Variants in NLRC5 observed in about 807,000 individuals in gnomAD.
NLRC5 encodes NLR family CARD domain containing 5, also known as protein NLRC5.
In NLRC5, 114 loss-of-function variants were observed where a neutral mutation model predicts 206.9. The observed-to-expected ratio is 0.55, with a 90% CI of 0.47 to 0.64. The LOEUF is 0.64. Among genes scored for constraint, NLRC5 ranks in the 30% least tolerant of loss-of-function variants. NLRC5 has a pLI of 0.00. For missense variants in NLRC5, 2,008 were observed against 2,305.5 expected, an observed-to-expected ratio of 0.87 and a Z score of 2.64; for synonymous variants, 952 against 962.8, an observed-to-expected ratio of 0.99 and a Z score of 0.21.
At position 57,077,817 on chromosome 16, in the gene NLRC5, A is replaced by G; in HGVS notation, c.5003+15A>G. 1 of 1,594,110 alleles carries G rather than the reference A, an allele frequency of 6.3e-7. No homozygotes were observed. On this transcript the variant is annotated intron_variant, in intron 42 of 48. Transcript: ENST00000688547. ...GAGGAGTTGATGTGAGTGTCTGCCC[A>G]GGTGGCCTCTGCCCTCTGTGCCCCC...
At chr16:57,067,359 A>G in intron 34 of NLRC5, 28 bp from the exon 35 acceptor site, 1 of 1,605,682 alleles carries the variant, frequency 6.2e-7, no homozygotes, top group Non-Finnish European at 8.5e-7. Flanking sequence ...AGATGTTCCA[A>G]AACTGTCGTC....
intron 13 of NLRC5, chr16:57,034,481 T>TGTAA: frequency 1.9e-6 from 1 of 529,660 alleles, no homozygotes; most frequent in Non-Finnish European, 3.4e-6. Context: ...ATCTCTGTGA[T>TGTAA]GTAAGCACTG....
intron 32 of NLRC5, chr16:57,061,984 A>G: frequency 6.8e-7 from 1 of 1,480,922 alleles, no homozygotes; most frequent in African/African-American, 1.4e-5. Context: ...GAGGACAAAA[A>G]TAAACTGAAA....
intron 30 of NLRC5, among the ~76,000 whole-genome samples, chr16:57,060,812 C>T (rs925271887): frequency 1.3e-5 from 2 of 152,230 alleles, no homozygotes; most frequent in Non-Finnish European, 2.9e-5. Context: ...CAAACATCAG[C>T]CCCTCCTGGA....
chr16:57,036,114 A>G lies in NLRC5; in HGVS notation c.2642A>G (p.Gln881Arg). ...CCCCGTCTCAGCCTCTCAGGGAACC[A>G]GCTGGAAGATGAAGGCTGTCGGCTG... ...HLEEVDLSGN[Q>R]LEDEGCRLMA... Residue 881 changes from glutamine to arginine, a missense_variant, in exon 14 of 49, where the codon CAG (glutamine) becomes CGG (arginine). Transcript: ENST00000688547. The G allele has an allele frequency of 2.5e-6, 4 of 1,613,736 alleles. No individual in the cohort carries two copies. Among genetic ancestry groups the G allele is most frequent in the Non-Finnish European group, 3.4e-6 (4 of 1,180,008 alleles).
Position 57,045,495 on chromosome 16 carries a change from G to A in NLRC5, c.3248+3G>A, listed in dbSNP as rs371909323. On this transcript the variant is annotated splice_donor_region_variant and intron_variant, in intron 21 of 48. Transcript: ENST00000688547. Reference sequence around the variant, plus strand: ...CTGAGAGGGGACAAGACAAGCAGGTGAGGAGGGAACGCTCGGGGTGGGGGA... The same window carrying A: ...CTGAGAGGGGACAAGACAAGCAGGTAAGGAGGGAACGCTCGGGGTGGGGGA... 7 of 1,613,908 alleles carry A rather than the reference G, an allele frequency of 4.3e-6. No homozygotes were observed. Among genetic ancestry groups the A allele is most frequent in the Non-Finnish European group, 4.2e-6 (5 of 1,179,946 alleles).
chr16:57,028,464 T>C (rs1182756629), intron 8 of NLRC5, 79 bp downstream of exon 8: 1 of 1,130,826 alleles, frequency 8.8e-7, no homozygotes, highest in African/African-American at 1.5e-5. Context: ...GGGGCCTGCA[T>C]GTTCCTCCAA....
chr16:57,013,783 TAA>T, intron 1 of NLRC5: 3 of 706,086 alleles, frequency 4.2e-6, no homozygotes, highest in Admixed American at 2.2e-5. Flanking sequence ...GTATTTTCAT[TAA>T]GTCACCCAGA....
chr16:57,033,311 G>A (rs1361470501), intron 11 of NLRC5, among the ~76,000 whole-genome samples: 1 of 152,198 alleles, frequency 6.6e-6, no homozygotes, highest in Admixed American at 6.5e-5. Flanking sequence ...GCTAGATGTT[G>A]TCATCCGTTT....
At chr16:57,059,609 C>G in intron 30 of NLRC5, 77 bp downstream of exon 30, 4 of 1,359,882 alleles carry the variant, frequency 2.9e-6, no homozygotes, top group South Asian at 1.5e-5. Flanking sequence ...CCATGGCCCC[C>G]TCTTCCCTGG....
At chr16:57,077,659 G>T in intron 41 of NLRC5, 60 bp from the exon 42 acceptor site, 1 of 1,482,734 alleles carries the variant, frequency 6.7e-7, no homozygotes, top group Non-Finnish European at 9.1e-7. Context: ...CCCAGCAGAT[G>T]TGCTGGGGTG....
chr16:56,992,714 T>A (rs2057055762), intron 1 of NLRC5, among the ~76,000 whole-genome samples: 1 of 152,048 alleles, frequency 6.6e-6, no homozygotes, highest in African/African-American at 2.4e-5. Context: ...TGACCTCAGG[T>A]GATCCACCTG....
In NLRC5 at chr16:57,061,485, A is replaced by T; in HGVS notation, c.4024A>T (p.Arg1342Trp). The change falls in exon 31 of 49, where the codon AGG becomes TGG. Residue 1342 changes from arginine (R) to tryptophan (W), a missense_variant. Arg to Trp is a moderately radical substitution (Grantham distance 101). Coordinates refer to ENST00000688547, the MANE Select transcript of NLRC5 (RefSeq NM_001384950.1). ...ECSFRPEHVS[R>W]LATGLSKSLQ... Reference sequence around the variant, plus strand: ...CAGCTTCCGGCCAGAGCACGTGTCCAGGCTGGCCACCGGCTTGAGCAAGTC... The same window carrying T: ...CAGCTTCCGGCCAGAGCACGTGTCCTGGCTGGCCACCGGCTTGAGCAAGTC... 6.2e-7 allele frequency: 1 copy of T among 1,611,240 alleles called. No homozygotes were observed. Among genetic ancestry groups the T allele is most frequent in the Non-Finnish European group, 8.5e-7 (1 of 1,180,014 alleles).
In NLRC5 at chr16:57,059,550, A is replaced by G. The variant is rs777718479; in HGVS notation, c.3986+18A>G. 1.9e-5 allele frequency: 30 copies of G among 1,601,918 alleles called. 1 individual carries two copies. The South Asian group carries it at 2.8e-4, about 15-fold the overall frequency. On this transcript the variant is annotated intron_variant, in intron 30 of 48. Transcript: ENST00000688547. ...ACACTCAGGTAATCCCTGCAGGGTG[A>G]TGGGACAGGGGACAGAGAGGGGAGA... is the stretch of plus-strand genomic sequence containing the variant.
At chr16:57,011,485 G>C (rs1416390295) in intron 1 of NLRC5, among the ~76,000 whole-genome samples, 1 of 152,144 alleles carries the variant, frequency 6.6e-6, no homozygotes, top group Non-Finnish European at 1.5e-5. Context: ...ACTTACGGAG[G>C]CTGATGAGGG....
chr16:57,062,190 A>G (rs1425412936), intron 32 of NLRC5: 1 of 515,572 alleles, frequency 1.9e-6, no homozygotes, highest in East Asian at 6.8e-5. Flanking sequence ...TATAGACCTC[A>G]TAATCCATCA....
intron 33 of NLRC5, among the ~76,000 whole-genome samples, chr16:57,065,554 G>A (rs775631699): frequency 1.3e-5 from 2 of 152,232 alleles, no homozygotes; most frequent in African/African-American, 4.8e-5. Context: ...AGGCAGACAT[G>A]GCTGGGAGTC....
intron 8 of NLRC5, 60 bp downstream of exon 8, chr16:57,028,445 AGTCC>A: frequency 4.5e-6 from 6 of 1,343,298 alleles, no homozygotes; most frequent in South Asian, 1.2e-5. Flanking sequence ...CAGGTCCCAG[AGTCC>A]CCCTGGGGCC....
intron 10 of NLRC5, among the ~76,000 whole-genome samples, chr16:57,030,323 G>A (rs1165921717): frequency 1.3e-5 from 2 of 152,060 alleles, no homozygotes; most frequent in Admixed American, 6.6e-5. Flanking sequence ...AAGATGGATG[G>A]GTGGATGAAA....
Sources: gnomAD v4.1 joint callset for allele counts (sites outside exome capture counted in the v4.1 genomes callset) on GRCh38, gnomAD v4.1.1 for gene constraint, MANE v1.5 for transcripts, NCBI Gene and HGNC (gene_info 2026-07-23, HGNC 2026-07-21) for gene names.